The following MYCBP2 variants were observed in gnomAD, a reference collection of about 807,000 sequenced individuals.
MYCBP2 encodes the protein E3 ubiquitin-protein ligase MYCBP2.
MYCBP2 carries 120 observed loss-of-function variants against 525.3 expected under a neutral mutation model. That is an observed-to-expected ratio of 0.23 (90% CI 0.20 to 0.27). The LOEUF is 0.27. Among genes scored for constraint, MYCBP2 ranks in the 10% least tolerant of loss-of-function variants. The pLI is 1.00. For synonymous variants in MYCBP2, 1,894 were observed against 1,955.8 expected (o/e 0.97, Z 0.83); for missense variants, 4,149 against 5,657.1 (o/e 0.73, Z 8.55).
At chr13:77,120,944 T>G (rs961250258) in intron 55 of MYCBP2, among the ~76,000 whole-genome samples, 1 of 152,110 alleles carries the variant, frequency 6.6e-6, no homozygotes, top group Non-Finnish European at 1.5e-5. Flanking sequence ...TTTATAAAGC[T>G]CATGTGTAAT....
chr13:77,055,839 T>A, intron 79 of MYCBP2, 72 bp from the exon 80 acceptor site: 1 of 1,044,732 alleles, frequency 9.6e-7, no homozygotes, highest in African/African-American at 1.6e-5. Flanking sequence ...AGCATGCACC[T>A]AAGTGCCAAG....
intron 80 of MYCBP2, among the ~76,000 whole-genome samples, chr13:77,055,168 GAC>G (rs1281530792): frequency 2.0e-5 from 3 of 151,750 alleles, no homozygotes; most frequent in Non-Finnish European, 2.9e-5. Flanking sequence ...AAAGATAAAT[GAC>G]TAGAAAGGAA....
At chr13:77,218,099 C>T (rs939375765) in intron 20 of MYCBP2, 142 bp from the exon 21 acceptor site, 2 of 501,440 alleles carry the variant, frequency 4.0e-6, no homozygotes, top group African/African-American at 4.0e-5. Flanking sequence ...TGCTAAACGC[C>T]TATCTCCATT....
In MYCBP2 at chr13:77,225,426, A is replaced by C. The variant is rs1882350871; in HGVS notation, c.2857+9T>G. 1.9e-6 allele frequency: 3 copies of C among 1,613,452 alleles called. No homozygotes were observed. Among genetic ancestry groups the C allele is most frequent in the Non-Finnish European group, 2.5e-6 (3 of 1,179,574 alleles). On this transcript the variant is annotated intron_variant, in intron 19 of 82. Coordinates refer to ENST00000544440, the MANE Select transcript of MYCBP2 (RefSeq NM_015057.5). ...AAACGCAGTTATACCCTAAAGTTCC[A>C]GCCGCTACCTGAATGGTGAAATCCA...
Position 77,067,723 on chromosome 13 carries a change from T to C in MYCBP2, c.12313A>G (p.Ile4105Val), listed in dbSNP as rs1391654540. 8 of 1,614,046 alleles carry C rather than the reference T, an allele frequency of 5.0e-6. No individual in the cohort carries two copies. The highest frequency in any genetic ancestry group is 1.3e-5 in the African/African-American group (1 of 74,920). ...ATGCATCCTAGAAACATGTCCAAGA[T>C]ACCCAGCTTATTCCAGTCTCCTTTC... is the stretch of plus-strand genomic sequence containing the variant. ...TEKGDWNKLGILDMFLGCIAK... is the reference protein window; with the variant it reads ...TEKGDWNKLGVLDMFLGCIAK... The change falls in exon 71 of 83, where the codon ATC becomes GTC. Residue 4105 changes from isoleucine (I) to valine (V), a missense_variant. By Grantham distance (29) the Ile-to-Val change is conservative. Coordinates refer to ENST00000544440, the MANE Select transcript of MYCBP2 (RefSeq NM_015057.5).
intron 68 of MYCBP2, 41 bp from the exon 69 acceptor site, chr13:77,070,752 G>T: frequency 1.5e-6 from 2 of 1,303,434 alleles, no homozygotes; most frequent in South Asian, 1.4e-5. Flanking sequence ...GAATGAAGTG[G>T]TCTCTTTAAA....
chr13:77,087,096 TATG>T (rs1308361900), intron 62 of MYCBP2, among the ~76,000 whole-genome samples: 1 of 152,202 alleles, frequency 6.6e-6, no homozygotes, highest in East Asian at 1.9e-4. Flanking sequence ...AGAATTTGAC[TATG>T]ATAATGTTGC....
chr13:77,076,406 C>A (rs1459484308), intron 68 of MYCBP2, among the ~76,000 whole-genome samples: 1 of 151,982 alleles, frequency 6.6e-6, no homozygotes, highest in Non-Finnish European at 1.5e-5. Context: ...GAGGATAAAT[C>A]GTAAAAAAGT....
chr13:77,260,666 T>TAA (rs370401180), intron 12 of MYCBP2, 74 bp from the exon 13 acceptor site: 39 of 1,148,598 alleles, frequency 3.4e-5, no homozygotes, highest in Middle Eastern at 2.8e-4. Context: ...TATATAAAGC[T>TAA]AAAAAAAAAA....
Position 77,268,002 on chromosome 13 carries a change from T to A in MYCBP2, c.1261-65A>T, listed in dbSNP as rs1377664719. 3 of 956,394 alleles carry A rather than the reference T, an allele frequency of 3.1e-6. No homozygotes were observed. In the South Asian group the frequency reaches 4.1e-5, roughly 13 times the overall value. The allele number at this position is 956,394 out of a possible 1,614,324, so 59.2% of individuals were successfully genotyped here. A position where few individuals can be genotyped will look rare whatever the true frequency, so the allele number is the denominator to read the frequency against. ...ACTAATTCAGCAGAAACAGCAGCCATACAGCTCCATATTACAGGTTTTTGA... is the reference window on the plus strand; with the variant it reads ...ACTAATTCAGCAGAAACAGCAGCCAAACAGCTCCATATTACAGGTTTTTGA... On this transcript the variant is annotated intron_variant, in intron 7 of 82. Coordinates refer to ENST00000544440, the MANE Select transcript of MYCBP2 (RefSeq NM_015057.5).
intron 43 of MYCBP2, among the ~76,000 whole-genome samples, chr13:77,162,980 G>T (rs2058118215): frequency 6.6e-6 from 1 of 152,162 alleles, no homozygotes; most frequent in East Asian, 1.9e-4. Context: ...ATGCAAAAAT[G>T]GGACCTTCTT....
intron 55 of MYCBP2, among the ~76,000 whole-genome samples, chr13:77,113,763 C>G (rs375098777): frequency 6.6e-6 from 1 of 152,108 alleles, no homozygotes; most frequent in East Asian, 1.9e-4. Context: ...GAGAAGATGG[C>G]TCAGCTCAGT....
chr13:77,087,610 A>T lies in MYCBP2; in HGVS notation c.10749T>A (p.Asn3583Lys), dbSNP rs755604016. Residue 3583 changes from asparagine to lysine, a missense_variant, in exon 62 of 83, where the codon AAT becomes AAA. Physicochemically the swap from Asn to Lys is moderately conservative, Grantham distance 94. This residue lies in a region of MYCBP2 where 509 missense variants were observed against 789.4 expected (regional missense o/e 0.64). Coordinates refer to ENST00000544440, the MANE Select transcript of MYCBP2 (RefSeq NM_015057.5). ...AMEAFNWLLC[N>K]VIQTTSLHDI... is the part of the protein sequence containing the mutation. ...CATGGAGAGAAGTGGTTTGGATGAC[A>T]TTACACAGAAGCCAGTTGAAAGCCT... 6.2e-7 allele frequency: 1 copy of T among 1,612,662 alleles called. No individual in the cohort carries two copies. Among genetic ancestry groups the T allele is most frequent in the South Asian group, 1.1e-5 (1 of 90,898 alleles).
intron 55 of MYCBP2, among the ~76,000 whole-genome samples, chr13:77,101,828 G>T (rs1177376036): frequency 6.6e-6 from 1 of 151,812 alleles, no homozygotes; most frequent in African/African-American, 2.4e-5. Flanking sequence ...CTTCATTTGT[G>T]TTTCAAATGT....
intron 76 of MYCBP2, 126 bp downstream of exon 76, chr13:77,061,043 T>C (rs2039203440): frequency 8.4e-6 from 9 of 1,071,132 alleles, no homozygotes; most frequent in East Asian, 2.7e-5. Context: ...AGTAAATATA[T>C]AGATCAATGA....
chr13:77,111,583 AT>A (rs33938909), intron 55 of MYCBP2, among the ~76,000 whole-genome samples: 106,700 of 147,338 alleles, frequency 0.72, 39,504 homozygotes, highest in Admixed American at 0.83. Context: ...TGCTTGGCTA[AT>A]TTTTTTTTTT....
intron 28 of MYCBP2, 93 bp downstream of exon 28, chr13:77,191,586 T>G: frequency 1.4e-6 from 2 of 1,444,556 alleles, no homozygotes. Flanking sequence ...TTCCTAAGCT[T>G]TTGAATCCTG....
At chr13:77,205,198 A>T (rs2063187351) in intron 26 of MYCBP2, 58 bp downstream of exon 26, 2 of 1,372,684 alleles carry the variant, frequency 1.5e-6, no homozygotes, top group Non-Finnish European at 1.9e-6. Flanking sequence ...AAAATAATAA[A>T]TTAAGTCAAA....
At chr13:77,221,921 G>A (rs1291952359) in intron 20 of MYCBP2, among the ~76,000 whole-genome samples, 2 of 152,054 alleles carry the variant, frequency 1.3e-5, no homozygotes, top group South Asian at 2.1e-4. Flanking sequence ...ACATCCTCCT[G>A]TATACTTTAA....
Sources: gnomAD v4.1 joint callset for allele counts (sites outside exome capture counted in the v4.1 genomes callset) on GRCh38, gnomAD v4.1.1 for gene constraint, gnomAD v4.1.1 regional missense constraint, MANE v1.5 for transcripts, NCBI Gene and HGNC (gene_info 2026-07-23, HGNC 2026-07-21) for gene names.